RAB35: variants seen among roughly 807,000 people sequenced by gnomAD.
RAB35 encodes the protein RAB35, member RAS oncogene family.
A neutral mutation model predicts 28.9 loss-of-function variants in RAB35; 4 were observed. The observed-to-expected ratio is 0.14, with a 90% CI of 0.07 to 0.32. RAB35 has a LOEUF of 0.32. RAB35 is among the 10% of genes least tolerant of loss of function. The pLI is 1.00. For synonymous variants in RAB35, 99 were observed against 105.1 expected (o/e 0.94, Z 0.35); for missense variants, 128 against 274.0 (o/e 0.47, Z 3.76).
At chr12:120,113,383 C>T (rs575796812) in intron 1 of RAB35, among the ~76,000 whole-genome samples, 52 of 152,230 alleles carry the variant, frequency 3.4e-4, no homozygotes, top group African/African-American at 1.1e-3. Flanking sequence ...CAAGTCACGC[C>T]CCCTCTCTGA....
Position 120,103,809 on chromosome 12 carries a change from T to C in RAB35, c.227+17A>G. 2 of 1,612,840 alleles carry C rather than the reference T, an allele frequency of 1.2e-6. No homozygotes were observed. The highest frequency in any genetic ancestry group is 1.7e-6 in the Non-Finnish European group (2 of 1,179,476). On this transcript the variant is annotated intron_variant, in intron 3 of 5. Transcript: ENST00000229340. This position sits in a 1 kb window ranked among gnomAD's most constrained non-coding sequence, Gnocchi z 6.1. ...GTCAGTGGCGCGGGTTGGGTGGGAG[T>C]GGGCGTGTGGACTCACGTGGAGGTG...
chr12:120,107,382 T>C (rs143545243), intron 2 of RAB35, among the ~76,000 whole-genome samples: 96 of 152,254 alleles, frequency 6.3e-4, no homozygotes, highest in Middle Eastern at 3.4e-3. Context: ...GCCTATCAGC[T>C]CAGCAAGAAT....
chr12:120,113,554 C>T (rs1240737425), intron 1 of RAB35, among the ~76,000 whole-genome samples: 1 of 152,148 alleles, frequency 6.6e-6, no homozygotes, highest in Non-Finnish European at 1.5e-5. Flanking sequence ...CGCGGTGGCT[C>T]ACGCCTGTAA....
At position 120,099,013 on chromosome 12, in the gene RAB35, C is replaced by A; in HGVS notation, c.352+17G>T. The A allele has an allele frequency of 6.2e-7, 1 of 1,614,154 alleles. No individual in the cohort carries two copies. Among genetic ancestry groups the A allele is most frequent in the Non-Finnish European group, 8.5e-7 (1 of 1,179,962 alleles). On this transcript the variant is annotated intron_variant, in intron 4 of 5. Coordinates refer to ENST00000229340, the MANE Select transcript of RAB35 (RefSeq NM_006861.7). ...CTCTCCCACCCAACCCCGACCCGGC[C>A]CTGAGTGCAGCCTCACCTAATATTC...
rs3999541 is a variant in RAB35, at chr12:120,110,290, AT to A, written c.53-1824del. Reference sequence around the variant, plus strand: ...TCTGTTCATGGGAGAAGCCCACAGCATTTTTTTTTTTTTTGGAGAGATAGGG... The same window carrying A: ...TCTGTTCATGGGAGAAGCCCACAGCATTTTTTTTTTTTTGGAGAGATAGGG... On this transcript the variant is annotated intron_variant, in intron 1 of 5. Coordinates refer to ENST00000229340, the MANE Select transcript of RAB35 (RefSeq NM_006861.7). Among the ~76,000 whole-genome samples the A allele has an allele frequency of 5.6e-3, 496 of 88,554 alleles. 47 individuals carry two copies. Among genetic ancestry groups the A allele is most frequent in the African/African-American group, 0.02 (409 of 20,064 alleles). 58.1% of individuals were successfully genotyped at this position (88,554 alleles called of 152,430 possible). A position where few individuals can be genotyped will look rare whatever the true frequency, so the allele number is the denominator to read the frequency against.
chr12:120,104,877 G>A lies in RAB35; in HGVS notation c.104-928C>T, dbSNP rs575655001. Among the ~76,000 whole-genome samples, 15 of 152,192 alleles carry A rather than the reference G, an allele frequency of 9.9e-5. No individual in the cohort carries two copies. In the South Asian group the frequency reaches 2.1e-3, roughly 21 times the overall value. ...TCAAACTCCTGACCTCAAGTGATCC[G>A]CCTGCCTCAGCCTCCCAAAGTGCTG... On this transcript the variant is annotated intron_variant, in intron 2 of 5. Coordinates refer to ENST00000229340, the MANE Select transcript of RAB35 (RefSeq NM_006861.7).
chr12:120,112,580 A>C (rs1237462622), intron 1 of RAB35, among the ~76,000 whole-genome samples: 1 of 151,800 alleles, frequency 6.6e-6, no homozygotes, highest in Non-Finnish European at 1.5e-5. Context: ...ACAGGCGTGC[A>C]CCACCATGCC....
At chr12:120,106,831 C>T (rs868668955) in intron 2 of RAB35, among the ~76,000 whole-genome samples, 2 of 152,222 alleles carry the variant, frequency 1.3e-5, no homozygotes, top group Non-Finnish European at 1.5e-5. Context: ...TCATGATCCA[C>T]GCGCCTCGGC....
chr12:120,108,710 G>A (rs1303817475), intron 1 of RAB35: 2 of 649,408 alleles, frequency 3.1e-6, no homozygotes, highest in Non-Finnish European at 5.7e-6. Flanking sequence ...TCCCCTGGGG[G>A]AGAGATGAGA....
Position 120,096,782 on chromosome 12 carries a change from T to C in RAB35, c.*463A>G. On this transcript the variant is annotated 3_prime_UTR_variant, in exon 6 of 6. Transcript: ENST00000229340. ...ATGAGCAACGCGGAGCCCACTCCAC[T>C]GGCACGGGCTGGCCGCAGACGCAGC... is the stretch of plus-strand genomic sequence containing the variant. 1 of 1,290,692 alleles carries C rather than the reference T, an allele frequency of 7.7e-7. No individual in the cohort carries two copies. Among genetic ancestry groups the C allele is most frequent in the Non-Finnish European group, 1.0e-6 (1 of 989,450 alleles). 80.0% of individuals were successfully genotyped at this position (1,290,692 alleles called of 1,614,324 possible). A position where few individuals can be genotyped will look rare whatever the true frequency, so the allele number is the denominator to read the frequency against.
chr12:120,101,148 T>C (rs2239201), intron 3 of RAB35, among the ~76,000 whole-genome samples: 19,629 of 152,200 alleles, frequency 0.13, 1,592 homozygotes, highest in East Asian at 0.4. Context: ...AGCACCGACG[T>C]TTCCCATGGC....
At chr12:120,102,876 G>A (rs952501227) in intron 3 of RAB35, among the ~76,000 whole-genome samples, 5 of 152,176 alleles carry the variant, frequency 3.3e-5, no homozygotes, top group Admixed American at 2.0e-4. Flanking sequence ...CCAGACAGCC[G>A]CCCCTCACTC....
intron 1 of RAB35, among the ~76,000 whole-genome samples, chr12:120,108,955 C>T (rs140662461): frequency 2.0e-5 from 3 of 152,330 alleles, no homozygotes; most frequent in Non-Finnish European, 4.4e-5. Context: ...GTGAGGAAAC[C>T]AAGGCCCACA....
intron 1 of RAB35, among the ~76,000 whole-genome samples, chr12:120,113,257 G>A (rs1477912631): frequency 1.4e-5 from 2 of 147,636 alleles, no homozygotes; most frequent in Non-Finnish European, 3.0e-5. Flanking sequence ...CTATGGTCTC[G>A]AGTTCAAGTG....
chr12:120,104,739 TCCTC>T (rs1249363068), intron 2 of RAB35, among the ~76,000 whole-genome samples: 3 of 151,914 alleles, frequency 2.0e-5, no homozygotes, highest in Admixed American at 6.6e-5. Flanking sequence ...GGTCTGATAA[TCCTC>T]CCACCTCAGC....
Position 120,096,814 on chromosome 12 carries a change from G to A in RAB35, c.*431C>T, listed in dbSNP as rs760139472. On this transcript the variant is annotated 3_prime_UTR_variant, in exon 6 of 6. Transcript: ENST00000229340. ...GGCTGGCCGCAGACGCAGCTAGAAC[G>A]TGCCGCTGTCTCCTCAGGACGCTGC... The A allele has an allele frequency of 1.9e-5, 24 of 1,292,438 alleles. No homozygotes were observed. Among genetic ancestry groups the A allele is most frequent in the South Asian group, 1.9e-4 (15 of 81,060 alleles). The allele number at this position is 1,292,438 out of a possible 1,614,324, so 80.1% of individuals were successfully genotyped here.
chr12:120,101,049 C>T (rs551839870), intron 3 of RAB35, among the ~76,000 whole-genome samples: 2 of 152,300 alleles, frequency 1.3e-5, no homozygotes, highest in African/African-American at 2.4e-5. Context: ...CTGCCTCATC[C>T]GGGGCCCAGG....
chr12:120,112,036 G>A (rs1262817909), intron 1 of RAB35, among the ~76,000 whole-genome samples: 2 of 151,110 alleles, frequency 1.3e-5, no homozygotes, highest in East Asian at 1.9e-4. Flanking sequence ...GCTGGAGTAC[G>A]GTGGCGCGAT....
intron 1 of RAB35, among the ~76,000 whole-genome samples, chr12:120,112,037 G>A (rs1876139425): frequency 6.6e-6 from 1 of 151,316 alleles, no homozygotes; most frequent in South Asian, 2.1e-4. Context: ...CTGGAGTACG[G>A]TGGCGCGATC....
Sources: gnomAD v4.1 joint callset for allele counts (sites outside exome capture counted in the v4.1 genomes callset) on GRCh38, gnomAD v4.1.1 for gene constraint, Gnocchi (gnomAD v3.1) non-coding constraint, MANE v1.5 for transcripts, NCBI Gene and HGNC (gene_info 2026-07-23, HGNC 2026-07-21) for gene names.